Variants in PSME4 observed in about 807,000 individuals in gnomAD.
PSME4 encodes the protein proteasome activator complex subunit 4.
A neutral mutation model predicts 253.9 loss-of-function variants in PSME4; 89 were observed. That is an observed-to-expected ratio of 0.35 (90% CI 0.30 to 0.42). The LOEUF (loss-of-function observed/expected upper bound fraction) is 0.42, where lower values mean the gene tolerates loss of function less well. PSME4 is among the 10% of genes least tolerant of loss of function. The probability of loss-of-function intolerance (pLI) is 1.00; values close to 1 mark genes in which losing one functional copy is unlikely to be tolerated. For synonymous variants in PSME4, 851 were observed against 759.2 expected (o/e 1.12, Z -1.99); for missense variants, 2,014 against 2,195.2 (o/e 0.92, Z 1.65).
In PSME4 at chr2:53,887,922, G is replaced by C. The variant is rs1679715544; in HGVS notation, c.4456C>G (p.Leu1486Val). 1.9e-6 allele frequency: 3 copies of C among 1,607,104 alleles called. No individual in the cohort carries two copies. Among genetic ancestry groups the C allele is most frequent in the African/African-American group, 2.7e-5 (2 of 74,814 alleles). ...EWRVPELLHRLLKYLEPKLTQ... is the reference protein window; with the variant it reads ...EWRVPELLHRVLKYLEPKLTQ... ...AGTTTGGGTTCCAAGTACTTCAGTA[G>C]TCTGTGCAATAGTTCAGGCACTCTC... Residue 1486 changes from leucine (L) to valine (V), a missense_variant, in exon 39 of 47, where the codon CTA (leucine) becomes GTA (valine). Around this residue, in one of 4 missense-constraint regions of PSME4, gnomAD observed 403 missense variants for 556.1 expected, o/e 0.72. Coordinates refer to ENST00000404125, the MANE Select transcript of PSME4 (RefSeq NM_014614.3).
At chr2:53,941,213 G>A (rs1200278452) in intron 3 of PSME4, among the ~76,000 whole-genome samples, 1 of 145,150 alleles carries the variant, frequency 6.9e-6, no homozygotes, top group Non-Finnish European at 1.5e-5. Context: ...ACTTGGAGCA[G>A]TAGAAATCCT....
Position 53,927,374 on chromosome 2 carries a change from T to C in PSME4, c.1593+20A>G, listed in dbSNP as rs1573308830. 1 of 1,491,274 alleles carries C rather than the reference T, an allele frequency of 6.7e-7. No homozygotes were observed. Among genetic ancestry groups the C allele is most frequent in the Admixed American group, 1.7e-5 (1 of 59,652 alleles). 92.4% of individuals were successfully genotyped at this position (1,491,274 alleles called of 1,614,324 possible). A position where few individuals can be genotyped will look rare whatever the true frequency, so the allele number is the denominator to read the frequency against. On this transcript the variant is annotated intron_variant, in intron 12 of 46. Transcript: ENST00000404125. ...TAATTAGAACATCTTAGCCCTTTTA[T>C]AACCATAAAATACCCTTACTTCTGT...
At chr2:53,932,391 C>A (rs1036868755) in intron 9 of PSME4, among the ~76,000 whole-genome samples, 4 of 152,030 alleles carry the variant, frequency 2.6e-5, no homozygotes, top group Admixed American at 2.0e-4. Flanking sequence ...AAACAGATGA[C>A]AGGATAAAAC....
intron 41 of PSME4, among the ~76,000 whole-genome samples, chr2:53,878,893 T>G (rs915057604): frequency 3.9e-5 from 6 of 152,204 alleles, no homozygotes; most frequent in Admixed American, 6.5e-5. Flanking sequence ...TGTGATATTT[T>G]ATTACCTTGG....
At chr2:53,926,193 A>C (rs74775362) in intron 12 of PSME4, among the ~76,000 whole-genome samples, 170 bp from the exon 13 acceptor site, 1 of 152,212 alleles carries the variant, frequency 6.6e-6, no homozygotes, top group Non-Finnish European at 1.5e-5. Flanking sequence ...ATTTAGAACA[A>C]CTTCATCTAC....
intron 20 of PSME4, among the ~76,000 whole-genome samples, chr2:53,915,881 G>A (rs1044815731): frequency 2.6e-5 from 4 of 152,056 alleles, no homozygotes; most frequent in Non-Finnish European, 5.9e-5. Flanking sequence ...GACCAGCCTG[G>A]CCAACATGGT....
intron 20 of PSME4, among the ~76,000 whole-genome samples, chr2:53,918,378 G>A (rs537577648): frequency 2.4e-4 from 37 of 152,190 alleles, no homozygotes; most frequent in Non-Finnish European, 5.1e-4. Context: ...TTTTGAGACA[G>A]GGTCTCACTC....
chr2:53,878,146 C>CT (rs1679220205), intron 41 of PSME4, among the ~76,000 whole-genome samples: 1 of 152,178 alleles, frequency 6.6e-6, no homozygotes, highest in Admixed American at 6.6e-5. Context: ...GGCAGAAGAA[C>CT]ATAAATTGTG....
At chr2:53,951,114 G>A (rs923994138) in intron 1 of PSME4, among the ~76,000 whole-genome samples, 6 of 152,054 alleles carry the variant, frequency 3.9e-5, no homozygotes, top group Admixed American at 3.3e-4. Flanking sequence ...ACACAGTCTT[G>A]CTCTGTCACC....
chr2:53,870,551 T>G (rs980736226), intron 43 of PSME4: 9 of 151,100 alleles, frequency 6.0e-5, no homozygotes, highest in African/African-American at 2.2e-4. Flanking sequence ...TTTTTTTTTG[T>G]ATTTTTAGTA....
rs1297582499 is a variant in PSME4 at position 53,893,888 on chromosome 2, A to G, written c.3913-89T>C. On this transcript the variant is annotated intron_variant, in intron 34 of 46. Coordinates refer to ENST00000404125, the MANE Select transcript of PSME4 (RefSeq NM_014614.3). ...AAAGTTAAAATTACAAGATTTTGAT[A>G]GTCAAAAGCAGGCTGTATTTTTGTT... 4.9e-6 allele frequency: 7 copies of G among 1,432,936 alleles called. No homozygotes were observed. The African/African-American group carries it at 8.7e-5, about 18-fold the overall frequency. The allele number at this position is 1,432,936 out of a possible 1,614,324, so 88.8% of individuals were successfully genotyped here.
At chr2:53,927,202 T>C (rs1428533955) in intron 12 of PSME4, among the ~76,000 whole-genome samples, 192 bp downstream of exon 12, 1 of 152,250 alleles carries the variant, frequency 6.6e-6, no homozygotes, top group East Asian at 1.9e-4. Flanking sequence ...CAGCCTATTT[T>C]TGAGCCACCT....
chr2:53,941,227 T>C (rs908632995), intron 3 of PSME4, among the ~76,000 whole-genome samples: 1 of 145,662 alleles, frequency 6.9e-6, no homozygotes, highest in Non-Finnish European at 1.5e-5. Flanking sequence ...AAATCCTCTT[T>C]AATTTCAAAA....
At chr2:53,946,964 C>G (rs553379771) in intron 3 of PSME4, among the ~76,000 whole-genome samples, 5 of 152,112 alleles carry the variant, frequency 3.3e-5, no homozygotes, top group African/African-American at 1.2e-4. Flanking sequence ...GGAGGAAAAC[C>G]TAACAAATAT....
intron 43 of PSME4, among the ~76,000 whole-genome samples, chr2:53,873,019 T>G (rs1260583023): frequency 1.3e-5 from 2 of 151,634 alleles, no homozygotes; most frequent in African/African-American, 2.4e-5. Flanking sequence ...GACAGGCAGA[T>G]CACGAGGTCA....
In PSME4 at chr2:53,937,383, ATACT is replaced by A. The variant is rs1669173383; in HGVS notation, c.695+4_695+7del. The stretch of plus-strand genomic sequence containing the variant: ...TTTTAGAATTTGTCAAGATATGAAC[ATACT>A]TACTTAAAACCTTTATGATGAAGTT... On this transcript the variant is annotated splice_donor_5th_base_variant and intron_variant, in intron 5 of 46. Transcript: ENST00000404125. 5 of 1,568,958 alleles carry A rather than the reference ATACT, an allele frequency of 3.2e-6. No individual in the cohort carries two copies. Among genetic ancestry groups the A allele is most frequent in the African/African-American group, 1.4e-5 (1 of 72,572 alleles).
chr2:53,939,110 A>G (rs1669261796), intron 4 of PSME4, among the ~76,000 whole-genome samples: 1 of 152,240 alleles, frequency 6.6e-6, no homozygotes, highest in Admixed American at 6.5e-5. Context: ...CTTATGACTC[A>G]GGGTGAACCT....
At chr2:53,904,279 A>C in intron 26 of PSME4, 123 bp from the exon 27 acceptor site, 9 of 1,005,710 alleles carry the variant, frequency 8.9e-6, no homozygotes, top group Non-Finnish European at 1.3e-5. Context: ...AATAAATTTC[A>C]AAGCACGTAC....
intron 12 of PSME4, 44 bp downstream of exon 12, chr2:53,927,350 A>T: frequency 7.5e-7 from 1 of 1,336,676 alleles, no homozygotes; most frequent in Non-Finnish European, 1.1e-6. Flanking sequence ...ATGCAATAAT[A>T]ATTAGAACAT....
Sources: gnomAD v4.1 joint callset for allele counts (sites outside exome capture counted in the v4.1 genomes callset) on GRCh38, gnomAD v4.1.1 for gene constraint, gnomAD v4.1.1 regional missense constraint, MANE v1.5 for transcripts, NCBI Gene and HGNC (gene_info 2026-07-23, HGNC 2026-07-21) for gene names.